The following MKLN1 variants were observed in gnomAD, a reference collection of about 807,000 sequenced individuals.
MKLN1 encodes the protein muskelin.
In MKLN1, 18 loss-of-function variants were observed where a neutral mutation model predicts 99.0. The ratio of observed to expected loss-of-function variants is 0.18; its 90% confidence interval spans 0.13 to 0.27. The LOEUF is 0.27. Ranked by LOEUF, MKLN1 falls within the 10% of genes least tolerant of loss-of-function variation. The pLI is 1.00. For missense variants in MKLN1, 621 were observed against 875.9 expected (o/e 0.71, Z 3.67); for synonymous variants, 288 against 293.2 (o/e 0.98, Z 0.18).
chr7:131,350,648 TGTG>T (rs1038571404), intron 1 of MKLN1, among the ~76,000 whole-genome samples: 9 of 152,234 alleles, frequency 5.9e-5, no homozygotes, highest in African/African-American at 2.2e-4. Flanking sequence ...GCATCTCTAA[TGTG>T]GTGTTTTGCT....
intron 8 of MKLN1, among the ~76,000 whole-genome samples, chr7:131,428,188 T>C (rs889328399): frequency 6.6e-6 from 1 of 151,806 alleles, no homozygotes; most frequent in Non-Finnish European, 1.5e-5. Flanking sequence ...AAATAAATAA[T>C]AAAAATAAAG....
intron 3 of MKLN1, among the ~76,000 whole-genome samples, chr7:131,314,400 G>T (rs1308401950): frequency 6.6e-6 from 1 of 152,130 alleles, no homozygotes; most frequent in African/African-American, 2.4e-5. Context: ...ACAGCAGAGA[G>T]ATGGGAGGAG....
At chr7:131,465,901 A>T (rs1272231397) in intron 14 of MKLN1, among the ~76,000 whole-genome samples, 1 of 152,158 alleles carries the variant, frequency 6.6e-6, no homozygotes, top group African/African-American at 2.4e-5. Context: ...TTCAGCATTT[A>T]TGTCAGAATT....
At chr7:131,345,184 A>G (rs918654359) in intron 1 of MKLN1, among the ~76,000 whole-genome samples, 2 of 152,226 alleles carry the variant, frequency 1.3e-5, no homozygotes, top group Non-Finnish European at 2.9e-5. Context: ...AAAAAAAATT[A>G]GTAGTACAGG....
At chr7:131,448,774 G>A (rs1036288497) in intron 12 of MKLN1, among the ~76,000 whole-genome samples, 1 of 152,168 alleles carries the variant, frequency 6.6e-6, no homozygotes, top group African/African-American at 2.4e-5. Flanking sequence ...TGTGTGTTCA[G>A]TGTGTAATTG....
chr7:131,132,074 C>T (rs10277416), intron 1 of MKLN1, among the ~76,000 whole-genome samples: 66,425 of 152,038 alleles, frequency 0.44, 16,050 homozygotes, highest in Non-Finnish European at 0.56. Context: ...TGTAAAAATA[C>T]ATAATAGTGG....
chr7:131,121,961 T>C (rs573565745), intron 1 of MKLN1, among the ~76,000 whole-genome samples: 1 of 152,224 alleles, frequency 6.6e-6, no homozygotes, highest in Non-Finnish European at 1.5e-5. Context: ...ACCAGGAGAC[T>C]ACGGGGCCAA....
At chr7:131,146,583 G>A (rs1158713859) in intron 2 of MKLN1, among the ~76,000 whole-genome samples, 1 of 152,202 alleles carries the variant, frequency 6.6e-6, no homozygotes, top group Non-Finnish European at 1.5e-5. Context: ...TTGGCACACA[G>A]TAGGTGCTTG....
chr7:131,369,023 C>T (rs202012069), intron 1 of MKLN1, among the ~76,000 whole-genome samples: 2 of 146,346 alleles, frequency 1.4e-5, no homozygotes, highest in African/African-American at 5.1e-5. Flanking sequence ...CACACACACA[C>T]ATATCTGTAT....
At chr7:131,130,316 C>G (rs1055443755) in intron 1 of MKLN1, among the ~76,000 whole-genome samples, 1 of 152,190 alleles carries the variant, frequency 6.6e-6, no homozygotes. Context: ...ATTCCAGAAC[C>G]TACAGCCTGA....
At chr7:131,431,031 G>A (rs1460846966) in intron 9 of MKLN1, among the ~76,000 whole-genome samples, 2 of 152,230 alleles carry the variant, frequency 1.3e-5, no homozygotes, top group East Asian at 3.9e-4. Flanking sequence ...AGACCAGCCT[G>A]TGACCAACAT....
chr7:131,247,234 TC>T (rs1386808411), intron 3 of MKLN1, among the ~76,000 whole-genome samples: 2 of 105,236 alleles, frequency 1.9e-5, no homozygotes, highest in Non-Finnish European at 4.1e-5. Context: ...TTTTCTTTTT[TC>T]TTTTTTTTTT....
intron 1 of MKLN1, among the ~76,000 whole-genome samples, chr7:131,119,975 C>A (rs1795336497): frequency 6.6e-6 from 1 of 152,124 alleles, no homozygotes; most frequent in Non-Finnish European, 1.5e-5. Context: ...GTTCTAGTTT[C>A]AAGTCATTTC....
At chr7:131,146,045 T>A (rs577140892) in intron 2 of MKLN1, among the ~76,000 whole-genome samples, 107 of 152,294 alleles carry the variant, frequency 7.0e-4, no homozygotes, top group Non-Finnish European at 1.2e-3. Flanking sequence ...AATACATCAA[T>A]CCCACTAGCT....
intron 2 of MKLN1, among the ~76,000 whole-genome samples, chr7:131,381,125 A>G (rs1185589025): frequency 6.6e-6 from 1 of 152,232 alleles, no homozygotes; most frequent in East Asian, 1.9e-4. Context: ...TAATGAGTTT[A>G]TCTAACACAT....
At chr7:131,250,332 G>A (rs1315044808) in intron 3 of MKLN1, among the ~76,000 whole-genome samples, 2 of 152,198 alleles carry the variant, frequency 1.3e-5, no homozygotes, top group Non-Finnish European at 2.9e-5. Context: ...GAAGGTCAAG[G>A]CAACTCAGTG....
chr7:131,237,107 G>A (rs1797333944), intron 3 of MKLN1, among the ~76,000 whole-genome samples: 1 of 152,074 alleles, frequency 6.6e-6, no homozygotes, highest in African/African-American at 2.4e-5. Flanking sequence ...CTCTTTTCTT[G>A]ATGACTGAGT....
chr7:131,290,691 TC>T (rs1360890243), intron 3 of MKLN1, among the ~76,000 whole-genome samples: 1 of 152,256 alleles, frequency 6.6e-6, no homozygotes, highest in African/African-American at 2.4e-5. Flanking sequence ...TTCCACAATA[TC>T]ATTTATTTTA....
chr7:131,437,312 C>T (rs1292543099), intron 9 of MKLN1, among the ~76,000 whole-genome samples: 1 of 152,016 alleles, frequency 6.6e-6, no homozygotes, highest in Non-Finnish European at 1.5e-5. Flanking sequence ...GATGTTTCTT[C>T]TAATTTTGAA....
Sources: gnomAD v4.1 joint callset for allele counts (sites outside exome capture counted in the v4.1 genomes callset) on GRCh38, gnomAD v4.1.1 for gene constraint, MANE v1.5 for transcripts, NCBI Gene and HGNC (gene_info 2026-07-23, HGNC 2026-07-21) for gene names.